XKR6: variants seen among roughly 807,000 people sequenced by gnomAD.
XKR6 encodes the protein XK related 6.
In XKR6, 22 loss-of-function variants were observed where a neutral mutation model predicts 56.7. The ratio of observed to expected loss-of-function variants is 0.39; its 90% CI spans 0.28 to 0.55. The LOEUF is 0.55. Among genes scored for constraint, XKR6 ranks in the 20% least tolerant of loss-of-function variants. The pLI is 0.66. For synonymous variants in XKR6, 524 were observed against 387.8 expected, an observed-to-expected ratio of 1.35 and a Z score of -4.13; for missense variants, 852 against 889.0, an observed-to-expected ratio of 0.96 and a Z score of 0.53.
intron 1 of XKR6, among the ~76,000 whole-genome samples, chr8:11,155,714 T>C (rs935024617): frequency 6.6e-6 from 1 of 152,170 alleles, no homozygotes; most frequent in African/African-American, 2.4e-5. Context: ...GAAGTCTCAA[T>C]GGCCTCCCTA....
chr8:11,124,772 C>T (rs1003167857), intron 1 of XKR6: 3 of 151,990 alleles, frequency 2.0e-5, no homozygotes, highest in African/African-American at 7.3e-5. Flanking sequence ...GAGGAAAATA[C>T]AGGGCACTTT....
intron 2 of XKR6, among the ~76,000 whole-genome samples, chr8:10,914,000 T>C (rs944870602): frequency 6.6e-6 from 1 of 152,176 alleles, no homozygotes; most frequent in Non-Finnish European, 1.5e-5. Flanking sequence ...GACTCTCCTT[T>C]GGTCAGGTCC....
intron 2 of XKR6, among the ~76,000 whole-genome samples, chr8:10,915,724 A>G (rs1800545519): frequency 6.6e-6 from 1 of 152,226 alleles, no homozygotes; most frequent in South Asian, 2.1e-4. Context: ...AGGACTTGCT[A>G]TAGACGCCAA....
intron 1 of XKR6, chr8:11,128,829 A>G (rs1283688877): frequency 2.2e-6 from 1 of 456,878 alleles, no homozygotes. Flanking sequence ...CCAGAATCTG[A>G]TCACCTTACC....
chr8:11,007,575 C>T (rs759831784), intron 1 of XKR6, among the ~76,000 whole-genome samples: 1 of 152,168 alleles, frequency 6.6e-6, no homozygotes, highest in Non-Finnish European at 1.5e-5. Context: ...ACGTGCAGCA[C>T]AGATTATGCC....
intron 1 of XKR6, among the ~76,000 whole-genome samples, chr8:10,937,476 T>C (rs1470760064): frequency 6.7e-6 from 1 of 150,290 alleles, no homozygotes; most frequent in Non-Finnish European, 1.5e-5. Context: ...GGAGAGGCGC[T>C]CTGCGTTTTA....
intron 1 of XKR6, among the ~76,000 whole-genome samples, chr8:11,130,593 G>A (rs1318300817): frequency 1.3e-5 from 2 of 151,628 alleles, no homozygotes; most frequent in African/African-American, 2.4e-5. Flanking sequence ...TGGCTAAGAC[G>A]GCCTTTTCTC....
intron 1 of XKR6, among the ~76,000 whole-genome samples, chr8:11,053,141 C>T (rs1384340115): frequency 6.6e-6 from 1 of 152,230 alleles, no homozygotes; most frequent in Non-Finnish European, 1.5e-5. Flanking sequence ...AGACACTGCG[C>T]AGGAGCAGCA....
intron 2 of XKR6, among the ~76,000 whole-genome samples, chr8:10,912,952 C>G (rs1013994411): frequency 6.9e-6 from 1 of 145,674 alleles, no homozygotes; most frequent in Non-Finnish European, 1.5e-5. Context: ...CTATAGAGGG[C>G]GAGTACATCT....
At chr8:10,910,797 C>T (rs1800329333) in intron 2 of XKR6, among the ~76,000 whole-genome samples, 1 of 152,222 alleles carries the variant, frequency 6.6e-6, no homozygotes, top group African/African-American at 2.4e-5. Flanking sequence ...ATACCAGCTT[C>T]ACAGCCAGCT....
rs1274898738 is a variant in XKR6, at chr8:11,005,036, C to T, written c.765-80206G>A. 2.6e-5 allele frequency among the ~76,000 whole-genome samples: 4 copies of T among 152,158 alleles called. No individual in the cohort carries two copies. In the East Asian group the frequency reaches 7.7e-4, roughly 29 times the overall value. On this transcript the variant is annotated intron_variant, in intron 1 of 2. Coordinates refer to ENST00000416569, the MANE Select transcript of XKR6 (RefSeq NM_173683.4). ...AACAGAATGTGGTACAGTCCCTCTGCAACCTTATCCATGGGAGATACGTTT... is the reference window on the plus strand; with the variant it reads ...AACAGAATGTGGTACAGTCCCTCTGTAACCTTATCCATGGGAGATACGTTT...
chr8:10,909,329 T>G (rs1343274862), intron 2 of XKR6, among the ~76,000 whole-genome samples: 2 of 152,216 alleles, frequency 1.3e-5, no homozygotes, highest in Non-Finnish European at 2.9e-5. Flanking sequence ...CTATTCTTCA[T>G]AAATTACCCA....
chr8:10,991,725 G>C (rs561967748), intron 1 of XKR6, among the ~76,000 whole-genome samples: 3 of 152,136 alleles, frequency 2.0e-5, no homozygotes, highest in Admixed American at 2.0e-4. Flanking sequence ...TTTATTTAAA[G>C]GTAGAGTTGC....
intron 1 of XKR6, among the ~76,000 whole-genome samples, chr8:11,164,268 T>C (rs1801961327): frequency 1.3e-5 from 2 of 152,226 alleles, no homozygotes; most frequent in Non-Finnish European, 2.9e-5. Flanking sequence ...CACTCTGTAA[T>C]TGTGTGGCAT....
rs1427902865 is a variant in XKR6 at position 11,201,441 on chromosome 8, G to C, written c.-102C>G. ...GGGGGGGAAACGAATGGAGAGGAAG[G>C]GGGGCGGGGAGGAAGCGGGGGAGCA... On this transcript the variant is annotated 5_prime_UTR_variant, in exon 1 of 3. Transcript: ENST00000416569. 1.8e-5 allele frequency: 9 copies of C among 503,366 alleles called. No individual in the cohort carries two copies. Among genetic ancestry groups the C allele is most frequent in the Middle Eastern group, 6.1e-4 (1 of 1,640 alleles). The allele number at this position is 503,366 out of a possible 1,614,324, so 31.2% of individuals were successfully genotyped here. A position where few individuals can be genotyped will look rare whatever the true frequency, so the allele number is the denominator to read the frequency against.
At chr8:11,194,553 G>A (rs1803763063) in intron 1 of XKR6, 1 of 152,218 alleles carries the variant, frequency 6.6e-6, no homozygotes, top group South Asian at 2.1e-4. Flanking sequence ...ACATCATGGG[G>A]AGTAAACTAA....
chr8:11,127,807 G>T (rs1799891050), intron 1 of XKR6, among the ~76,000 whole-genome samples: 2 of 152,124 alleles, frequency 1.3e-5, no homozygotes, highest in Non-Finnish European at 2.9e-5. Context: ...GGACACTGCG[G>T]GGGGCGCCAT....
intron 1 of XKR6, among the ~76,000 whole-genome samples, chr8:11,038,122 G>A (rs1042258343): frequency 3.3e-5 from 5 of 151,752 alleles, no homozygotes; most frequent in African/African-American, 7.3e-5. Context: ...CTGTGTCATC[G>A]AAAGGGGCCG....
chr8:10,956,418 C>G (rs142672474), intron 1 of XKR6, among the ~76,000 whole-genome samples: 3 of 152,180 alleles, frequency 2.0e-5, no homozygotes, highest in African/African-American at 7.2e-5. Context: ...ACACCCCATA[C>G]AAAGCAGGCA....
Sources: allele counts gnomAD v4.1 joint callset (sites outside exome capture counted in the v4.1 genomes callset), GRCh38; gene constraint gnomAD v4.1.1; transcripts MANE v1.5; gene names NCBI Gene and HGNC (gene_info 2026-07-23, HGNC 2026-07-21).